Variants in DCX observed in about 807,000 individuals in gnomAD.
DCX encodes the protein doublecortin.
In DCX, 4 loss-of-function variants were observed where a neutral mutation model predicts 20.9. The observed-to-expected ratio is 0.19, with a 90% confidence interval of 0.09 to 0.44. The LOEUF (loss-of-function observed/expected upper bound fraction) is 0.44. Among genes scored for constraint, DCX ranks in the 20% least tolerant of loss-of-function variants. The probability of loss-of-function intolerance (pLI) is 0.99; values close to 1 mark genes in which losing one functional copy is unlikely to be tolerated. For missense variants in DCX, 133 were observed against 296.9 expected (o/e 0.45, Z 4.06); for synonymous variants, 103 against 111.4 (o/e 0.92, Z 0.47).
At chrX:111,373,380 C>G (rs866690904) in intron 3 of DCX, among the ~76,000 whole-genome samples, 67 of 112,149 alleles carry the variant, frequency 6.0e-4, no homozygotes, top group African/African-American at 1.9e-3. Flanking sequence ...GAATATTGAT[C>G]ATCAATAACT....
chrX:111,356,920 A>G (rs1022436223), intron 3 of DCX, among the ~76,000 whole-genome samples: 2 of 112,062 alleles, frequency 1.8e-5, no homozygotes, highest in African/African-American at 6.5e-5. Context: ...TCCTGTTTCT[A>G]CAAAATACAC....
intron 6 of DCX, among the ~76,000 whole-genome samples, chrX:111,307,415 C>T (rs2095048009): frequency 9.1e-6 from 1 of 110,246 alleles, no homozygotes; most frequent in Admixed American, 9.7e-5. Flanking sequence ...TAGTTGTTCG[C>T]TCTATTACTA....
At chrX:111,342,574 C>CATCT (rs1313958834) in intron 3 of DCX, among the ~76,000 whole-genome samples, 1 of 106,316 alleles carries the variant, frequency 9.4e-6, no homozygotes, top group East Asian at 3.0e-4. Flanking sequence ...ACCTAAAAGA[C>CATCT]ATCTACAGAA....
intron 3 of DCX, among the ~76,000 whole-genome samples, chrX:111,353,659 C>T (rs766633231): frequency 9.0e-6 from 1 of 111,378 alleles, no homozygotes; most frequent in East Asian, 2.8e-4. Flanking sequence ...TATTAATACA[C>T]TCTAGAATTG....
chrX:111,383,057 C>T (rs929349242), intron 3 of DCX, among the ~76,000 whole-genome samples: 1 of 111,212 alleles, frequency 9.0e-6, no homozygotes, highest in Admixed American at 9.6e-5. Context: ...CTCTTGGTTT[C>T]CATCCTCTAC....
At chrX:111,357,639 G>A (rs761105703) in intron 3 of DCX, among the ~76,000 whole-genome samples, 3 of 109,718 alleles carry the variant, frequency 2.7e-5, no homozygotes, top group South Asian at 4.1e-4. Context: ...AAAATTACAC[G>A]AGCATGATGG....
At chrX:111,328,862 C>G (rs188415636) in intron 5 of DCX, among the ~76,000 whole-genome samples, 2 of 110,838 alleles carry the variant, frequency 1.8e-5, no homozygotes, top group Admixed American at 1.9e-4. Context: ...TTTAATGATA[C>G]CCACATGAGA....
At chrX:111,326,973 T>C (rs1324646997) in intron 5 of DCX, among the ~76,000 whole-genome samples, 2 of 111,963 alleles carry the variant, frequency 1.8e-5, no homozygotes, top group African/African-American at 6.5e-5. Context: ...GATATAGATA[T>C]AGATATCTAG....
chrX:111,342,577 C>T (rs1358773390), intron 3 of DCX, among the ~76,000 whole-genome samples: 1 of 106,355 alleles, frequency 9.4e-6, no homozygotes, highest in Non-Finnish European at 1.9e-5. Context: ...TAAAAGACAT[C>T]TACAGAACTC....
intron 3 of DCX, among the ~76,000 whole-genome samples, chrX:111,380,266 T>A (rs1925867768): frequency 9.0e-6 from 1 of 111,714 alleles, no homozygotes; most frequent in Admixed American, 9.5e-5. Context: ...TAATCTAAAT[T>A]CAAGATTTAT....
At chrX:111,343,939 G>A (rs772059459) in intron 3 of DCX, among the ~76,000 whole-genome samples, 6 of 110,870 alleles carry the variant, frequency 5.4e-5, no homozygotes, top group African/African-American at 9.9e-5. Context: ...TGGAGATCGC[G>A]CCACTGCACT....
chrX:111,381,962 C>A (rs1242566651), intron 3 of DCX, among the ~76,000 whole-genome samples: 1 of 111,633 alleles, frequency 9.0e-6, no homozygotes, highest in Non-Finnish European at 1.9e-5. Flanking sequence ...CTGCACCATC[C>A]CTGTACCTTA....
chrX:111,312,405 C>T lies in DCX; in HGVS notation c.1044+234G>A, dbSNP rs41311727. ...TTAGCTTTGGAGACCTTTTGGAAAC[C>T]CTTTGGAAGAAGTGCTAGAATGTAG... On this transcript the variant is annotated intron_variant, in intron 6 of 6. Transcript: ENST00000636035. 0.064 allele frequency among the ~76,000 whole-genome samples: 7,079 copies of T among 111,328 alleles called. 500 individuals are homozygous for T. The highest frequency in any genetic ancestry group is 0.21 in the African/African-American group (6,291 of 30,426).
chrX:111,383,295 T>C (rs891547939), intron 3 of DCX, among the ~76,000 whole-genome samples: 1 of 112,127 alleles, frequency 8.9e-6, no homozygotes, highest in Non-Finnish European at 1.9e-5. Context: ...AAGATGTTTA[T>C]GTTTCTTCTT....
intron 4 of DCX, 103 bp downstream of exon 4, chrX:111,332,948 G>T: frequency 1.6e-6 from 1 of 608,150 alleles, no homozygotes; most frequent in Non-Finnish European, 2.8e-6. Context: ...AGCCCTTGAA[G>T]GATCATGCAT....
chrX:111,398,029 G>T (rs941537355), intron 3 of DCX, among the ~76,000 whole-genome samples: 4 of 110,690 alleles, frequency 3.6e-5, no homozygotes, highest in East Asian at 5.8e-4. Context: ...TTTGCCCACA[G>T]AATTCTCTTT....
At chrX:111,397,690 A>G (rs374264812) in intron 3 of DCX, among the ~76,000 whole-genome samples, 62 of 112,053 alleles carry the variant, frequency 5.5e-4, no homozygotes, top group African/African-American at 2.0e-3. Flanking sequence ...TTACCATTAA[A>G]GTTACGGTAG....
rs1924212353 is a variant in DCX, at chrX:111,361,574, G to T, written c.706-28421C>A. ...ACTGTTACCATTATTTCAATATTAGGTCTATTGGGAACTATCTCCCTGTAA... is the reference window on the plus strand; with the variant it reads ...ACTGTTACCATTATTTCAATATTAGTTCTATTGGGAACTATCTCCCTGTAA... On this transcript the variant is annotated intron_variant, in intron 3 of 6. Transcript: ENST00000636035. Among the ~76,000 whole-genome samples the T allele has an allele frequency of 2.7e-5, 3 of 111,864 alleles. No individual in the cohort carries two copies. In the South Asian group the frequency reaches 1.1e-3, roughly 42 times the overall value.
chrX:111,336,450 T>C (rs1921746474), intron 3 of DCX, among the ~76,000 whole-genome samples: 1 of 112,732 alleles, frequency 8.9e-6, no homozygotes, highest in South Asian at 3.7e-4. Context: ...CACATTTTAC[T>C]GGCTCCCAAA....
Sources: gnomAD v4.1 joint callset for allele counts (sites outside exome capture counted in the v4.1 genomes callset) on GRCh38, gnomAD v4.1.1 for gene constraint, MANE v1.5 for transcripts, NCBI Gene and HGNC (gene_info 2026-07-23, HGNC 2026-07-21) for gene names.